Variants in SPAG16 observed in about 807,000 individuals in gnomAD.
The protein encoded by SPAG16 is sperm associated antigen 16.
Under a neutral mutation model 80.4 loss-of-function variants are expected in SPAG16, and 86 were observed. That is an observed-to-expected ratio of 1.07 (90% confidence interval 0.90 to 1.28). The LOEUF (loss-of-function observed/expected upper bound fraction) is 1.28, where lower values mean the gene tolerates loss of function less well. Among genes scored for constraint, SPAG16 ranks in the 50% most tolerant of loss-of-function variants. SPAG16 has a pLI of 0.00. For missense variants in SPAG16, 870 were observed against 765.3 expected (o/e 1.14, Z -1.61); for synonymous variants, 294 against 265.9 (o/e 1.11, Z -1.03).
intron 11 of SPAG16, among the ~76,000 whole-genome samples, chr2:213,921,174 G>C (rs992197655): frequency 6.6e-6 from 1 of 152,160 alleles, no homozygotes; most frequent in African/African-American, 2.4e-5. Context: ...TTGGTCCCTT[G>C]GTGGCAGTTG....
chr2:213,691,300 C>T (rs2064935909), intron 10 of SPAG16, among the ~76,000 whole-genome samples: 1 of 152,162 alleles, frequency 6.6e-6, no homozygotes, highest in Admixed American at 6.5e-5. Flanking sequence ...CAATCTAGAT[C>T]TTCTGAGGCA....
intron 15 of SPAG16, among the ~76,000 whole-genome samples, chr2:214,250,701 A>G (rs922484085): frequency 2.7e-4 from 39 of 145,154 alleles, no homozygotes; most frequent in African/African-American, 8.9e-4. Flanking sequence ...AGAAATATAT[A>G]TAATTTATAT....
At chr2:214,323,332 ATATT>A (rs200410913) in intron 15 of SPAG16, among the ~76,000 whole-genome samples, 5,886 of 20,944 alleles carry the variant, frequency 0.28, 133 homozygotes, top group Non-Finnish European at 0.37. Flanking sequence ...ATATATATAT[ATATT>A]TATTTATTTA....
At chr2:214,040,170 C>G (rs528180450) in intron 13 of SPAG16, among the ~76,000 whole-genome samples, 13 of 152,280 alleles carry the variant, frequency 8.5e-5, no homozygotes, top group African/African-American at 2.6e-4. Flanking sequence ...AGAATAATGG[C>G]TGGCAATTGC....
intron 12 of SPAG16, among the ~76,000 whole-genome samples, chr2:214,005,655 A>T (rs1026728565): frequency 6.6e-6 from 1 of 152,192 alleles, no homozygotes; most frequent in Admixed American, 6.5e-5. Context: ...ACTGAATTTC[A>T]TGGCTACAAA....
At chr2:214,380,285 T>A (rs1211862305) in intron 15 of SPAG16, among the ~76,000 whole-genome samples, 22 of 152,228 alleles carry the variant, frequency 1.4e-4, no homozygotes, top group Admixed American at 1.4e-3. Flanking sequence ...ATACGAATTT[T>A]CAGGTTTTGC....
intron 10 of SPAG16, among the ~76,000 whole-genome samples, chr2:213,511,735 C>A (rs996837897): frequency 6.6e-6 from 1 of 151,890 alleles, no homozygotes; most frequent in Non-Finnish European, 1.5e-5. Context: ...AGATTTCTTG[C>A]CTTTCAAAAT....
chr2:213,765,934 C>G (rs886587678), intron 10 of SPAG16, among the ~76,000 whole-genome samples: 2 of 152,130 alleles, frequency 1.3e-5, no homozygotes, highest in Non-Finnish European at 2.9e-5. Context: ...CCTCAGTAAA[C>G]GAGAACAGGC....
intron 11 of SPAG16, among the ~76,000 whole-genome samples, chr2:213,910,163 C>T (rs1490742180): frequency 1.3e-5 from 2 of 152,100 alleles, no homozygotes; most frequent in Non-Finnish European, 2.9e-5. Context: ...AACATTGTGA[C>T]TAATAGCCTT....
chr2:214,044,700 G>A (rs2049217518), intron 13 of SPAG16, among the ~76,000 whole-genome samples: 2 of 152,330 alleles, frequency 1.3e-5, no homozygotes, highest in African/African-American at 4.8e-5. Flanking sequence ...GGCCACATGG[G>A]ATGGAGAGAA....
intron 15 of SPAG16, among the ~76,000 whole-genome samples, chr2:214,306,178 G>A (rs1694898796): frequency 6.6e-6 from 1 of 152,048 alleles, no homozygotes; most frequent in Admixed American, 6.6e-5. Flanking sequence ...CTCTTTCTTT[G>A]ACTGTTGTTG....
In SPAG16 at chr2:213,903,706, A is replaced by G. The variant is rs192998844; in HGVS notation, c.1215-26254A>G. Among the ~76,000 whole-genome samples, 4 of 150,626 alleles carry G rather than the reference A, an allele frequency of 2.7e-5. No homozygotes were observed. In the East Asian group the frequency reaches 5.9e-4, roughly 22 times the overall value. On this transcript the variant is annotated intron_variant, in intron 11 of 15. Transcript: ENST00000331683. ...TATGCAAATCTCTGCAGCTGGCTTG[A>G]CTCTCTCCCCAGAAAATGGATTTTT...
rs1318262020 is a variant in SPAG16, at chr2:214,371,654, TA to T, written c.1721-38482del. Among the ~76,000 whole-genome samples the T allele has an allele frequency of 2.7e-5, 4 of 150,020 alleles. No homozygotes were observed. In the East Asian group the frequency reaches 7.8e-4, roughly 29 times the overall value. On this transcript the variant is annotated intron_variant, in intron 15 of 15. Coordinates refer to ENST00000331683, the MANE Select transcript of SPAG16 (RefSeq NM_024532.5). Reference sequence around the variant, plus strand: ...ATAAGATATGAAACAATATAGATTATAAAATTATAAATATATAGTTATAGAT... The same window carrying T: ...ATAAGATATGAAACAATATAGATTATAAATTATAAATATATAGTTATAGAT...
At chr2:213,375,239 C>A in intron 9 of SPAG16, 120 bp downstream of exon 9, 1 of 725,588 alleles carries the variant, frequency 1.4e-6, no homozygotes, top group Non-Finnish European at 2.2e-6. Context: ...ATATTCCGGG[C>A]TGCTTGGTTT....
intron 12 of SPAG16, among the ~76,000 whole-genome samples, chr2:213,972,365 C>G (rs1333409749): frequency 6.6e-6 from 1 of 151,746 alleles, no homozygotes; most frequent in Non-Finnish European, 1.5e-5. Flanking sequence ...CTGAGCAGTC[C>G]CATGACTTCT....
intron 10 of SPAG16, among the ~76,000 whole-genome samples, chr2:213,612,889 T>C (rs2061481604): frequency 6.6e-6 from 1 of 152,072 alleles, no homozygotes; most frequent in South Asian, 2.1e-4. Context: ...GTCAGGCTGG[T>C]CTCGAACTCC....
chr2:214,245,861 A>G (rs775383960), intron 15 of SPAG16, among the ~76,000 whole-genome samples: 9 of 152,300 alleles, frequency 5.9e-5, no homozygotes, highest in Middle Eastern at 3.4e-3. Flanking sequence ...TATGTGTTCA[A>G]ATATTCCCTA....
chr2:213,809,403 C>T (rs952431150), intron 10 of SPAG16, among the ~76,000 whole-genome samples: 5 of 152,130 alleles, frequency 3.3e-5, no homozygotes, highest in Non-Finnish European at 7.4e-5. Flanking sequence ...CTAGCAAGCT[C>T]ATTGTCCATG....
chr2:213,534,009 T>A (rs986094945), intron 10 of SPAG16, among the ~76,000 whole-genome samples: 2 of 152,142 alleles, frequency 1.3e-5, no homozygotes, highest in African/African-American at 4.8e-5. Context: ...ACGTTATTTT[T>A]ATTTTTGATA....
Sources: gnomAD v4.1 joint callset for allele counts (sites outside exome capture counted in the v4.1 genomes callset) on GRCh38, gnomAD v4.1.1 for gene constraint, MANE v1.5 for transcripts, NCBI Gene and HGNC (gene_info 2026-07-23, HGNC 2026-07-21) for gene names.